Variants in ALDH1A1 observed in about 807,000 individuals in gnomAD.
The protein encoded by ALDH1A1 is aldehyde dehydrogenase 1A1.
A neutral mutation model predicts 62.1 loss-of-function variants in ALDH1A1; 19 were observed. The observed-to-expected ratio is 0.31, with a 90% confidence interval of 0.21 to 0.45. The LOEUF (loss-of-function observed/expected upper bound fraction) is 0.45, where lower values mean the gene tolerates loss of function less well. Among genes scored for constraint, ALDH1A1 ranks in the 20% least tolerant of loss-of-function variants. The probability of loss-of-function intolerance (pLI) is 1.00; values close to 1 mark genes in which losing one functional copy is unlikely to be tolerated. For synonymous variants in ALDH1A1, 231 were observed against 215.9 expected, an observed-to-expected ratio of 1.07 and a Z score of -0.61; for missense variants, 521 against 607.1, an observed-to-expected ratio of 0.86 and a Z score of 1.49.
chr9:72,903,609 T>TG (rs1369731227), intron 12 of ALDH1A1, among the ~76,000 whole-genome samples: 11 of 141,862 alleles, frequency 7.8e-5, no homozygotes, highest in African/African-American at 2.8e-4. Context: ...ATTTTTGAAG[T>TG]AAAAAAAAAA....
At position 72,912,123 on chromosome 9, in the gene ALDH1A1, C is replaced by G; in HGVS notation, c.1036-1G>C. The G allele has an allele frequency of 6.2e-7, 1 of 1,608,108 alleles. No homozygotes were observed. Among genetic ancestry groups the G allele is most frequent in the Non-Finnish European group, 8.5e-7 (1 of 1,176,940 alleles). Reference sequence around the variant, plus strand: ...TTTTATCATATTGTTCCTTGTCAATCTATTTGAAAAATATCACATGAAAAG... The same window carrying G: ...TTTTATCATATTGTTCCTTGTCAATGTATTTGAAAAATATCACATGAAAAG... On this transcript the variant is annotated splice_acceptor_variant, in intron 9 of 12. Transcript: ENST00000297785. LOFTEE classifies it high-confidence loss of function.
intron 1 of ALDH1A1, among the ~76,000 whole-genome samples, chr9:72,948,867 G>A (rs548716595): frequency 6.6e-6 from 1 of 151,830 alleles, no homozygotes; most frequent in Non-Finnish European, 1.5e-5. Context: ...AAGCAAAAGG[G>A]AGAAACAAGC....
chr9:72,929,607 A>C (rs1364457), intron 3 of ALDH1A1, among the ~76,000 whole-genome samples: 151,893 of 152,288 alleles, frequency 1, 75,751 homozygotes, highest in Middle Eastern at 1. Context: ...AGGTAAAGTT[A>C]AACATTTTCT....
chr9:72,934,377 A>G (rs879693158), intron 2 of ALDH1A1, among the ~76,000 whole-genome samples: 3 of 152,114 alleles, frequency 2.0e-5, no homozygotes, highest in East Asian at 1.9e-4. Context: ...TCACCAGGCT[A>G]ATCTTCTGCA....
chr9:72,924,895 T>C (rs1348033044), intron 6 of ALDH1A1, among the ~76,000 whole-genome samples: 1 of 152,266 alleles, frequency 6.6e-6, no homozygotes, highest in Non-Finnish European at 1.5e-5. Flanking sequence ...TTTGCAAGTA[T>C]ATTAACACAA....
chr9:72,940,094 T>C (rs933514998), intron 2 of ALDH1A1, 54 bp downstream of exon 2: 2 of 1,380,840 alleles, frequency 1.4e-6, no homozygotes, highest in African/African-American at 1.4e-5. Context: ...GAGCTCAGAA[T>C]GGCAAAAAAC....
intron 9 of ALDH1A1, among the ~76,000 whole-genome samples, chr9:72,913,343 T>A (rs1830015163): frequency 6.6e-6 from 1 of 152,150 alleles, no homozygotes; most frequent in African/African-American, 2.4e-5. Context: ...AAATATTCCT[T>A]CATTTCCAGC....
At chr9:72,915,244 A>G (rs978367878) in intron 9 of ALDH1A1, among the ~76,000 whole-genome samples, 6 of 152,236 alleles carry the variant, frequency 3.9e-5, no homozygotes, top group African/African-American at 1.4e-4. Context: ...TAACTTCCTT[A>G]TCTTAAAATC....
intron 9 of ALDH1A1, among the ~76,000 whole-genome samples, chr9:72,916,277 TAAAC>T (rs1217150092): frequency 6.6e-6 from 1 of 152,010 alleles, no homozygotes; most frequent in Non-Finnish European, 1.5e-5. Flanking sequence ...TCCAGAAGCT[TAAAC>T]AAACAATGAA....
intron 2 of ALDH1A1, among the ~76,000 whole-genome samples, chr9:72,932,018 G>T (rs1830287463): frequency 6.6e-6 from 1 of 151,982 alleles, no homozygotes; most frequent in African/African-American, 2.4e-5. Context: ...TACAAATATT[G>T]CCCTGACCAC....
At chr9:72,916,321 T>G (rs969262868) in intron 9 of ALDH1A1, among the ~76,000 whole-genome samples, 1 of 152,132 alleles carries the variant, frequency 6.6e-6, no homozygotes, top group African/African-American at 2.4e-5. Flanking sequence ...GAGGGAAAGA[T>G]GATCTTTGGA....
At chr9:72,913,030 G>A (rs1241661308) in intron 9 of ALDH1A1, among the ~76,000 whole-genome samples, 2 of 152,108 alleles carry the variant, frequency 1.3e-5, no homozygotes, top group Non-Finnish European at 2.9e-5. Context: ...AAAAACAGGA[G>A]ATCTAGGAGC....
chr9:72,905,096 G>T (rs1829861235), intron 12 of ALDH1A1, among the ~76,000 whole-genome samples: 1 of 152,050 alleles, frequency 6.6e-6, no homozygotes, highest in South Asian at 2.1e-4. Flanking sequence ...GATTGAGAAA[G>T]GCACATTTTC....
chr9:72,933,040 A>G (rs892091434), intron 2 of ALDH1A1, among the ~76,000 whole-genome samples: 8 of 152,248 alleles, frequency 5.3e-5, no homozygotes, highest in Non-Finnish European at 1.2e-4. Context: ...AGATGTTCTT[A>G]TGATTATGTC....
intron 7 of ALDH1A1, among the ~76,000 whole-genome samples, chr9:72,922,882 T>A (rs937434159): frequency 2.0e-5 from 3 of 152,252 alleles, no homozygotes; most frequent in African/African-American, 2.4e-5. Context: ...ATGCAAACTT[T>A]TTTTACTCTA....
chr9:72,928,385 G>A (rs1427023299), intron 4 of ALDH1A1, among the ~76,000 whole-genome samples: 1 of 152,178 alleles, frequency 6.6e-6, no homozygotes, highest in Non-Finnish European at 1.5e-5. Context: ...TTGCTTTGAA[G>A]ATATTTGAAA....
chr9:72,920,240 A>T (rs1830123649), intron 7 of ALDH1A1, among the ~76,000 whole-genome samples: 1 of 152,182 alleles, frequency 6.6e-6, no homozygotes, highest in Admixed American at 6.5e-5. Context: ...TTTTCCTCCT[A>T]TTTAAATATT....
intron 9 of ALDH1A1, among the ~76,000 whole-genome samples, chr9:72,915,909 T>C (rs1430959671): frequency 6.6e-6 from 1 of 152,214 alleles, no homozygotes; most frequent in African/African-American, 2.4e-5. Flanking sequence ...GAATAGCGTT[T>C]GGTTTCAAAT....
chr9:72,952,031 GC>G (rs1830548902), intron 1 of ALDH1A1, among the ~76,000 whole-genome samples: 1 of 151,906 alleles, frequency 6.6e-6, no homozygotes, highest in Non-Finnish European at 1.5e-5. Flanking sequence ...AAATTATAAT[GC>G]CCTTTGTTTT....
Sources: allele counts gnomAD v4.1 joint callset (sites outside exome capture counted in the v4.1 genomes callset), GRCh38; gene constraint gnomAD v4.1.1; transcripts MANE v1.5; gene names NCBI Gene and HGNC (gene_info 2026-07-23, HGNC 2026-07-21).